The following PACRG variants were observed in gnomAD, a reference collection of about 807,000 sequenced individuals.
The protein encoded by PACRG is parkin coregulated.
Under a neutral mutation model 29.7 loss-of-function variants are expected in PACRG, and 29 were observed. The ratio of observed to expected loss-of-function variants is 0.98; its 90% CI spans 0.73 to 1.33. PACRG has a LOEUF of 1.33. Among genes scored for constraint, PACRG ranks in the 40% most tolerant of loss-of-function variants. The probability of loss-of-function intolerance (pLI) is 0.00; values close to 1 mark genes in which losing one functional copy is unlikely to be tolerated. For synonymous variants in PACRG, 116 were observed against 118.7 expected, an observed-to-expected ratio of 0.98 and a Z score of 0.15; for missense variants, 279 against 316.2, an observed-to-expected ratio of 0.88 and a Z score of 0.89.
chr6:163,204,494 CTT>C (rs2128151184), intron 4 of PACRG, among the ~76,000 whole-genome samples: 1 of 152,296 alleles, frequency 6.6e-6, no homozygotes, highest in Admixed American at 6.5e-5. Flanking sequence ...TCCTTGTCCT[CTT>C]TCTCTTCTCC....
chr6:162,901,571 T>TAGG (rs1368818952), intron 2 of PACRG, among the ~76,000 whole-genome samples: 1 of 152,200 alleles, frequency 6.6e-6, no homozygotes, highest in Admixed American at 6.5e-5. Flanking sequence ...GCTAAACACT[T>TAGG]ACAGTTTTTA....
chr6:163,007,943 G>A (rs536775984), intron 2 of PACRG, among the ~76,000 whole-genome samples: 62 of 152,150 alleles, frequency 4.1e-4, no homozygotes, highest in African/African-American at 1.4e-3. Flanking sequence ...CTTCCACTGC[G>A]TACTTGGTTT....
intron 4 of PACRG, among the ~76,000 whole-genome samples, chr6:163,265,562 C>T (rs1783501864): frequency 6.6e-6 from 1 of 152,152 alleles, no homozygotes; most frequent in Non-Finnish European, 1.5e-5. Context: ...AGAGTAGTCG[C>T]TGATGTATAT....
At chr6:163,109,699 T>C (rs1815600948) in intron 4 of PACRG, among the ~76,000 whole-genome samples, 1 of 152,224 alleles carries the variant, frequency 6.6e-6, no homozygotes, top group African/African-American at 2.4e-5. Flanking sequence ...ATGACACTTT[T>C]GTAAAAGAAG....
chr6:162,969,984 C>G (rs186013128), intron 2 of PACRG, among the ~76,000 whole-genome samples: 11 of 152,252 alleles, frequency 7.2e-5, no homozygotes, highest in African/African-American at 2.2e-4. Flanking sequence ...AATGAATGGT[C>G]GAATGAAAAG....
intron 1 of PACRG, among the ~76,000 whole-genome samples, chr6:162,745,357 G>A (rs780530129): frequency 2.6e-5 from 4 of 151,958 alleles, no homozygotes; most frequent in African/African-American, 4.8e-5. Flanking sequence ...ACACAGGGAG[G>A]GGAACAACAC....
intron 4 of PACRG, among the ~76,000 whole-genome samples, chr6:163,107,892 T>C (rs928564024): frequency 6.6e-6 from 1 of 152,244 alleles, no homozygotes; most frequent in African/African-American, 2.4e-5. Flanking sequence ...ACATGTTGTT[T>C]GAAATTTGGT....
chr6:162,756,496 A>G (rs944000462), intron 1 of PACRG, among the ~76,000 whole-genome samples: 5 of 152,142 alleles, frequency 3.3e-5, no homozygotes, highest in Non-Finnish European at 7.4e-5. Flanking sequence ...TGCATGAAAT[A>G]TCTTTTTCCA....
At chr6:162,819,174 G>A (rs556989887) in intron 2 of PACRG, among the ~76,000 whole-genome samples, 80 of 152,170 alleles carry the variant, frequency 5.3e-4, no homozygotes, top group Non-Finnish European at 1.0e-3. Context: ...CATATGAGCA[G>A]GTATATGTGA....
intron 1 of PACRG, among the ~76,000 whole-genome samples, chr6:162,734,714 A>G (rs572212885): frequency 8.5e-5 from 13 of 152,334 alleles, no homozygotes; most frequent in African/African-American, 2.9e-4. Flanking sequence ...GTTTAGAGAT[A>G]CTTATTAAAG....
intron 1 of PACRG, among the ~76,000 whole-genome samples, chr6:162,789,798 A>G (rs920763040): frequency 2.6e-5 from 4 of 152,182 alleles, no homozygotes; most frequent in African/African-American, 9.6e-5. Flanking sequence ...AGGGTGAGAT[A>G]ACTGTGCCAA....
chr6:162,923,762 G>A (rs1797229108), intron 2 of PACRG, among the ~76,000 whole-genome samples: 1 of 151,942 alleles, frequency 6.6e-6, no homozygotes, highest in Non-Finnish European at 1.5e-5. Context: ...GTAACCATAG[G>A]CTTATAATAT....
intron 4 of PACRG, among the ~76,000 whole-genome samples, chr6:163,164,087 TA>T (rs199513082): frequency 7.3e-5 from 11 of 151,352 alleles, no homozygotes; most frequent in African/African-American, 1.7e-4. Context: ...GTTCCACATT[TA>T]AAAAAAAATG....
At position 162,780,372 on chromosome 6, in the gene PACRG, A is replaced by G. The variant is rs1347655885; in HGVS notation, c.157-33775A>G. Among the ~76,000 whole-genome samples the G allele has an allele frequency of 3.3e-5, 5 of 152,214 alleles. No homozygotes were observed. The East Asian group carries it at 9.6e-4, about 29-fold the overall frequency. On this transcript the variant is annotated intron_variant, in intron 1 of 4. Transcript: ENST00000366888. Reference sequence around the variant, plus strand: ...GGCTCACATTAATCCCAAATATTCTAAATAAGTTAACCATGTTCCAGAGAA... The same window carrying G: ...GGCTCACATTAATCCCAAATATTCTGAATAAGTTAACCATGTTCCAGAGAA...
At chr6:163,094,978 A>G (rs909000700) in intron 4 of PACRG, among the ~76,000 whole-genome samples, 3 of 152,130 alleles carry the variant, frequency 2.0e-5, no homozygotes, top group Non-Finnish European at 2.9e-5. Context: ...AGCATTCTCT[A>G]TAAGCAGAGC....
intron 1 of PACRG, among the ~76,000 whole-genome samples, chr6:162,772,991 CTA>C (rs1783337844): frequency 1.3e-5 from 2 of 151,542 alleles, no homozygotes; most frequent in South Asian, 4.2e-4. Context: ...ATTATAGAGA[CTA>C]TTGGTTTCTA....
At chr6:162,904,649 T>C (rs553574426) in intron 2 of PACRG, among the ~76,000 whole-genome samples, 2 of 152,332 alleles carry the variant, frequency 1.3e-5, no homozygotes, top group Admixed American at 1.3e-4. Flanking sequence ...CGTTCAGAAA[T>C]CCATTCAGTC....
rs376757725 is a variant in PACRG, at chr6:162,970,630, A to G, written c.292-91520A>G. Among the ~76,000 whole-genome samples the G allele has an allele frequency of 5.9e-5, 9 of 152,372 alleles. No homozygotes were observed. In the East Asian group the frequency reaches 1.7e-3, roughly 29 times the overall value. ...AATGCTTCTCATTAGTTGTCTGCTC[A>G]AAACAACTTTGGAAGCAATCCTAGA... On this transcript the variant is annotated intron_variant, in intron 2 of 4. Transcript: ENST00000366888.
At chr6:162,902,945 T>C (rs1451000435) in intron 2 of PACRG, among the ~76,000 whole-genome samples, 1 of 152,248 alleles carries the variant, frequency 6.6e-6, no homozygotes, top group Non-Finnish European at 1.5e-5. Context: ...TCTGATCATT[T>C]TTACAACTTC....
Sources: allele counts gnomAD v4.1 joint callset (sites outside exome capture counted in the v4.1 genomes callset), GRCh38; gene constraint gnomAD v4.1.1; transcripts MANE v1.5; gene names NCBI Gene and HGNC (gene_info 2026-07-23, HGNC 2026-07-21).